ZNF385D: variants seen among roughly 807,000 people sequenced by gnomAD.
ZNF385D encodes the protein zinc finger protein 385D, also known as zinc finger protein 659.
ZNF385D carries 15 observed loss-of-function variants against 35.8 expected under a neutral mutation model. The observed-to-expected ratio is 0.42, with a 90% confidence interval of 0.28 to 0.64. The LOEUF is 0.64. Ranked by LOEUF, ZNF385D falls within the 30% of genes least tolerant of loss-of-function variation. The pLI is 0.23. For synonymous variants in ZNF385D, 212 were observed against 186.8 expected (o/e 1.13, Z -1.10); for missense variants, 474 against 494.6 (o/e 0.96, Z 0.39).
At chr3:21,758,892 T>C (rs1403150016) in intron 3 of ZNF385D, among the ~76,000 whole-genome samples, 5 of 140,664 alleles carry the variant, frequency 3.6e-5, no homozygotes, top group African/African-American at 1.1e-4. Flanking sequence ...GGACACCATG[T>C]CATAACTTTG....
At chr3:21,999,686 C>T (rs569772647) in intron 3 of ZNF385D, among the ~76,000 whole-genome samples, 22 of 150,254 alleles carry the variant, frequency 1.5e-4, no homozygotes, top group African/African-American at 5.4e-4. Flanking sequence ...TATAGCAGTC[C>T]AACAGATAGC....
chr3:21,856,211 C>T (rs1696704183), intron 3 of ZNF385D, among the ~76,000 whole-genome samples: 1 of 152,004 alleles, frequency 6.6e-6, no homozygotes, highest in Non-Finnish European at 1.5e-5. Flanking sequence ...CTTCCTTGAT[C>T]ACCGGTCATT....
chr3:22,037,762 T>G (rs1025766726), intron 3 of ZNF385D, among the ~76,000 whole-genome samples: 1 of 152,126 alleles, frequency 6.6e-6, no homozygotes, highest in African/African-American at 2.4e-5. Context: ...CTTTTGGTGT[T>G]TTAGACATGA....
intron 1 of ZNF385D, among the ~76,000 whole-genome samples, chr3:21,745,481 G>T (rs1470434926): frequency 1.3e-5 from 2 of 152,126 alleles, no homozygotes; most frequent in Non-Finnish European, 2.9e-5. Flanking sequence ...TTAACGCTGC[G>T]ACAGAGCAAA....
At chr3:21,636,770 A>G (rs1226164151) in intron 2 of ZNF385D, among the ~76,000 whole-genome samples, 2 of 151,946 alleles carry the variant, frequency 1.3e-5, no homozygotes, top group Middle Eastern at 3.4e-3. Context: ...ACATCTTTCA[A>G]TCCAATCAAG....
chr3:22,132,978 T>C lies in ZNF385D; in HGVS notation c.325+35839A>G, dbSNP rs181685866. ...GTAAACACTATAAAGTTACTGTAAATTGTTCTGTTTTAAAATGAAAGGGTT... is the reference window on the plus strand; with the variant it reads ...GTAAACACTATAAAGTTACTGTAAACTGTTCTGTTTTAAAATGAAAGGGTT... On this transcript the variant is annotated intron_variant, in intron 3 of 5. Transcript: ENST00000494108. Among the ~76,000 whole-genome samples the C allele has an allele frequency of 8.5e-4, 130 of 152,226 alleles. 3 individuals are homozygous for C. Among genetic ancestry groups the C allele is most frequent in the Admixed American group, 8.1e-3 (124 of 15,280 alleles).
upstream of ZNF385D, among the ~76,000 whole-genome samples, chr3:21,755,055 G>C (rs1176988202): frequency 6.6e-6 from 1 of 152,216 alleles, no homozygotes; most frequent in African/African-American, 2.4e-5. Flanking sequence ...TGGTACTGCA[G>C]GCCACAGTTT....
At chr3:21,590,635 A>G (rs1046405573) in intron 2 of ZNF385D, among the ~76,000 whole-genome samples, 1 of 152,144 alleles carries the variant, frequency 6.6e-6, no homozygotes, top group Non-Finnish European at 1.5e-5. Context: ...TATAGTCACA[A>G]TTAACAAAGT....
intron 2 of ZNF385D, among the ~76,000 whole-genome samples, chr3:22,221,170 G>C (rs1698233460): frequency 6.6e-6 from 1 of 151,858 alleles, no homozygotes; most frequent in East Asian, 1.9e-4. Flanking sequence ...GGTACACACA[G>C]AAACATATAT....
chr3:21,648,043 C>G (rs2065804319), intron 2 of ZNF385D, among the ~76,000 whole-genome samples: 1 of 152,096 alleles, frequency 6.6e-6, no homozygotes. Flanking sequence ...AAAGAACAAC[C>G]TGAGGGAGTG....
At chr3:22,048,393 T>C (rs1256276314) in intron 3 of ZNF385D, among the ~76,000 whole-genome samples, 1 of 152,288 alleles carries the variant, frequency 6.6e-6, no homozygotes, top group East Asian at 1.9e-4. Flanking sequence ...TATATTTAAG[T>C]CTTTGATCCA....
intron 2 of ZNF385D, among the ~76,000 whole-genome samples, chr3:22,343,474 A>T (rs529099880): frequency 1.3e-4 from 20 of 152,330 alleles, no homozygotes; most frequent in Non-Finnish European, 2.4e-4. Flanking sequence ...TGCAACAACT[A>T]ATTCCCCTGG....
intron 3 of ZNF385D, among the ~76,000 whole-genome samples, chr3:21,941,504 T>TAC: frequency 7.2e-6 from 1 of 138,506 alleles, no homozygotes; most frequent in South Asian, 2.5e-4. Context: ...TTTTTTTTTT[T>TAC]TTTTTTTTTT....
At chr3:22,095,863 T>C (rs549126708) in intron 3 of ZNF385D, among the ~76,000 whole-genome samples, 25 of 151,892 alleles carry the variant, frequency 1.6e-4, no homozygotes, top group African/African-American at 5.8e-4. Context: ...AACATATATA[T>C]ATATACTATG....
chr3:21,705,246 C>T (rs1037799422), intron 1 of ZNF385D, among the ~76,000 whole-genome samples: 1 of 152,082 alleles, frequency 6.6e-6, no homozygotes, highest in African/African-American at 2.4e-5. Context: ...GACCCAAATC[C>T]CTGCTTAATA....
Position 21,751,104 on chromosome 3 carries a change from T to A in ZNF385D, c.-188A>T. The A allele has an allele frequency of 6.8e-7, 1 of 1,480,066 alleles. No individual in the cohort carries two copies. Among genetic ancestry groups the A allele is most frequent in the South Asian group, 1.4e-5 (1 of 71,478 alleles). 91.7% of individuals were successfully genotyped at this position (1,480,066 alleles called of 1,614,324 possible). ...GCAGGCTGCCTTTCCAGGGCTAAGA[T>A]CCCCGGCGGCTGGAGAGTGCGCTCG... On this transcript the variant is annotated 5_prime_UTR_variant, in exon 1 of 8. Transcript: ENST00000281523.
chr3:21,453,967 T>C (rs1471448186), intron 4 of ZNF385D, among the ~76,000 whole-genome samples: 1 of 151,828 alleles, frequency 6.6e-6, no homozygotes, highest in Non-Finnish European at 1.5e-5. Flanking sequence ...AATGGAAGAG[T>C]GGATAAATAA....
At chr3:22,315,504 A>C (rs1703838130) in intron 2 of ZNF385D, among the ~76,000 whole-genome samples, 1 of 152,248 alleles carries the variant, frequency 6.6e-6, no homozygotes, top group Admixed American at 6.5e-5. Flanking sequence ...ATTTGGGAAG[A>C]GATAAAGAAA....
intron 3 of ZNF385D, among the ~76,000 whole-genome samples, chr3:21,899,710 G>A (rs554006439): frequency 6.6e-6 from 1 of 152,104 alleles, no homozygotes; most frequent in African/African-American, 2.4e-5. Flanking sequence ...TTTATATTTG[G>A]TGCCTTTATG....
Sources: gnomAD v4.1 joint callset for allele counts (sites outside exome capture counted in the v4.1 genomes callset) on GRCh38, gnomAD v4.1.1 for gene constraint, MANE v1.5 for transcripts, NCBI Gene and HGNC (gene_info 2026-07-23, HGNC 2026-07-21) for gene names.